KDM4B: variants seen among roughly 807,000 people sequenced by gnomAD.
The protein encoded by KDM4B is lysine demethylase 4B.
In KDM4B, 32 loss-of-function variants were observed where a neutral mutation model predicts 125.2. The ratio of observed to expected loss-of-function variants is 0.26; its 90% confidence interval spans 0.19 to 0.34. The LOEUF (loss-of-function observed/expected upper bound fraction) is 0.34. Among genes scored for constraint, KDM4B ranks in the 10% least tolerant of loss-of-function variants. The probability of loss-of-function intolerance (pLI) is 1.00; values close to 1 mark genes in which losing one functional copy is unlikely to be tolerated. For synonymous variants in KDM4B, 721 were observed against 677.9 expected, an observed-to-expected ratio of 1.06 and a Z score of -0.99; for missense variants, 1,190 against 1,577.7, an observed-to-expected ratio of 0.75 and a Z score of 4.16.
At chr19:5,090,483 TC>T in intron 9 of KDM4B, among the ~76,000 whole-genome samples, 1 of 54,278 alleles carries the variant, frequency 1.8e-5, no homozygotes, top group African/African-American at 8.2e-5. Context: ...TCCCCCCCTC[TC>T]TTTCTCTCCC....
chr19:5,025,508 G>C (rs1599442693), intron 2 of KDM4B, among the ~76,000 whole-genome samples: 1 of 152,364 alleles, frequency 6.6e-6, no homozygotes, highest in African/African-American at 2.4e-5. Flanking sequence ...CCCACAGCCA[G>C]AGAGAGCTTT....
At chr19:5,023,168 G>A (rs1207050881) in intron 2 of KDM4B, among the ~76,000 whole-genome samples, 1 of 152,208 alleles carries the variant, frequency 6.6e-6, no homozygotes, top group Non-Finnish European at 1.5e-5. Flanking sequence ...GGAAGAGGCT[G>A]TGCTGTGGCT....
intron 1 of KDM4B, among the ~76,000 whole-genome samples, chr19:4,979,301 C>G (rs2034559185): frequency 6.6e-6 from 1 of 152,126 alleles, no homozygotes; most frequent in Non-Finnish European, 1.5e-5. Flanking sequence ...CCCAAAAAAC[C>G]AAGCCCAGGG....
intron 1 of KDM4B, among the ~76,000 whole-genome samples, chr19:4,981,645 G>T (rs551180774): frequency 1.3e-5 from 2 of 152,278 alleles, no homozygotes; most frequent in East Asian, 3.9e-4. Context: ...GTGCAGGTGG[G>T]TTCTCCAGGG....
intron 1 of KDM4B, among the ~76,000 whole-genome samples, chr19:5,003,286 C>G (rs775929015): frequency 1.3e-5 from 2 of 151,792 alleles, no homozygotes; most frequent in Non-Finnish European, 2.9e-5. Context: ...GTCAGGAGTT[C>G]GAGACCAGCC....
At chr19:5,129,610 G>T (rs1345040823) in intron 11 of KDM4B, among the ~76,000 whole-genome samples, 1 of 152,212 alleles carries the variant, frequency 6.6e-6, no homozygotes, top group Non-Finnish European at 1.5e-5. Flanking sequence ...AATGTTAGCA[G>T]TGACCAGTTC....
intron 9 of KDM4B, among the ~76,000 whole-genome samples, chr19:5,104,449 C>T (rs868410885): frequency 6.6e-6 from 1 of 151,786 alleles, no homozygotes. Context: ...GTTTTTATGG[C>T]CACAATTGCA....
intron 21 of KDM4B, among the ~76,000 whole-genome samples, chr19:5,148,224 C>T (rs1320348188): frequency 2.0e-5 from 3 of 152,224 alleles, no homozygotes; most frequent in Admixed American, 6.5e-5. Context: ...AAAAAGCAAA[C>T]GCCGCCTTCA....
chr19:4,982,591 T>TTCTC (rs551213682), intron 1 of KDM4B, among the ~76,000 whole-genome samples: 47 of 147,530 alleles, frequency 3.2e-4, no homozygotes, highest in East Asian at 2.3e-3. Flanking sequence ...AAAAGTGATG[T>TTCTC]TCTCTCTCTC....
rs1158767407 is a variant in KDM4B, at chr19:4,997,429, C to T, written c.-108-18828C>T. Among the ~76,000 whole-genome samples, 4 of 152,086 alleles carry T rather than the reference C, an allele frequency of 2.6e-5. No individual in the cohort carries two copies. Among genetic ancestry groups the T allele is most frequent in the East Asian group, 1.9e-4 (1 of 5,190 alleles). On this transcript the variant is annotated intron_variant, in intron 1 of 22. Coordinates refer to ENST00000159111, the MANE Select transcript of KDM4B (RefSeq NM_015015.3). This position sits in a 1 kb window ranked among gnomAD's most constrained non-coding sequence, Gnocchi z 4.2. ...TTCATGAGGACCTGCCATCTGGGGG[C>T]GGCGAGGTGGGCTGGGCTTTGTGTT... is the stretch of plus-strand genomic sequence containing the variant.
intron 21 of KDM4B, among the ~76,000 whole-genome samples, chr19:5,147,676 G>A (rs2039874712): frequency 6.7e-6 from 1 of 149,954 alleles, no homozygotes; most frequent in Non-Finnish European, 1.5e-5. Flanking sequence ...CTGGGAGGTT[G>A]AGGATTCAGT....
At chr19:5,009,697 G>A (rs931562262) in intron 1 of KDM4B, among the ~76,000 whole-genome samples, 3 of 152,068 alleles carry the variant, frequency 2.0e-5, no homozygotes, top group African/African-American at 7.2e-5. Flanking sequence ...TCAGAAATTA[G>A]CCAATTCCAT....
Position 5,135,429 on chromosome 19 carries a change from C to A in KDM4B, c.2176C>A (p.Pro726Thr). 6.2e-7 allele frequency: 1 copy of A among 1,613,660 alleles called. No homozygotes were observed. Among genetic ancestry groups the A allele is most frequent in the South Asian group, 1.1e-5 (1 of 91,090 alleles). ...LPSKSRQKTR[P>T]LIPEMCFTSG... ...CTCCAAAAGCCGTCAGAAGACCCGA[C>A]CGCTCATCCCTGAGATGTGCTTCAC... Residue 726 changes from proline (P) to threonine (T), a missense_variant, in exon 15 of 23, where the codon CCG becomes ACG. Physicochemically the swap from Pro to Thr is conservative, Grantham distance 38. Transcript: ENST00000159111.
chr19:5,114,170 T>G lies in KDM4B; in HGVS notation c.1115+3352T>G. ...CTCTCTGGCACCCACGCGACGCTCC[T>G]CCATGCAAACTCTTTCCACGCGAGA... On this transcript the variant is annotated intron_variant, in intron 10 of 22. Coordinates refer to ENST00000159111, the MANE Select transcript of KDM4B (RefSeq NM_015015.3). The surrounding 1 kb of genome is among the most constrained non-coding windows in gnomAD (Gnocchi z 5.8). 1 of 1,289,700 alleles carries G rather than the reference T, an allele frequency of 7.8e-7. No homozygotes were observed. Among genetic ancestry groups the G allele is most frequent in the South Asian group, 1.2e-5 (1 of 81,030 alleles). The allele number at this position is 1,289,700 out of a possible 1,614,324, so 79.9% of individuals were successfully genotyped here.
At position 5,142,301 on chromosome 19, in the gene KDM4B, C is replaced by T. The variant is rs961679260; in HGVS notation, c.2551-1666C>T. ...GCACTGGATGTGGGTCTTCAAACTG[C>T]GGCTCCCAGGAAGGGAGGTGACGGC... On this transcript the variant is annotated intron_variant, in intron 18 of 22. Transcript: ENST00000159111. This position sits in a 1 kb window ranked among gnomAD's most constrained non-coding sequence, Gnocchi z 5.4. Among the ~76,000 whole-genome samples, 15 of 152,236 alleles carry T rather than the reference C, an allele frequency of 9.9e-5. No individual in the cohort carries two copies. The East Asian group carries it at 2.1e-3, about 22-fold the overall frequency.
chr19:4,979,195 A>G (rs2034555771), intron 1 of KDM4B, among the ~76,000 whole-genome samples: 1 of 152,030 alleles, frequency 6.6e-6, no homozygotes, highest in Non-Finnish European at 1.5e-5. Flanking sequence ...AGGCGGGAGG[A>G]TTGCTTGAGC....
rs377303695 is a variant in KDM4B, at chr19:5,149,310, G to A, written c.3022-1048G>A. 1.8e-4 allele frequency among the ~76,000 whole-genome samples: 27 copies of A among 152,324 alleles called. No homozygotes were observed. In the East Asian group the frequency reaches 4.0e-3, roughly 23 times the overall value. ...TGGTCTTAGTGTGTGACTTTTGTAC[G>A]CTTCTGTGACAGTCTTATGTGTGCA... On this transcript the variant is annotated intron_variant, in intron 21 of 22. Coordinates refer to ENST00000159111, the MANE Select transcript of KDM4B (RefSeq NM_015015.3).
rs1276128973 is a variant in KDM4B, at chr19:5,131,999, G to A, written c.1898G>A (p.Ser633Asn). Residue 633 changes from serine (S) to asparagine (N), a missense_variant, in exon 13 of 23, where the codon AGT becomes AAT. Transcript: ENST00000159111. ...PLSVVKQEAS[S>N]DEEASPFSGE... ...TCGGTGGTGAAGCAGGAGGCCTCAA[G>A]TGACGAGGGTGAGTGGGGGGTCCCC... The A allele has an allele frequency of 6.2e-7, 1 of 1,606,322 alleles. No individual in the cohort carries two copies. Among genetic ancestry groups the A allele is most frequent in the Non-Finnish European group, 8.5e-7 (1 of 1,176,988 alleles).
chr19:5,094,295 A>C (rs1418720582), intron 9 of KDM4B, among the ~76,000 whole-genome samples: 1 of 152,246 alleles, frequency 6.6e-6, no homozygotes, highest in East Asian at 1.9e-4. Flanking sequence ...CAGGATGCTG[A>C]GTAGCGCGGG....
Sources: gnomAD v4.1 joint callset for allele counts (sites outside exome capture counted in the v4.1 genomes callset) on GRCh38, gnomAD v4.1.1 for gene constraint, Gnocchi (gnomAD v3.1) non-coding constraint, MANE v1.5 for transcripts, NCBI Gene and HGNC (gene_info 2026-07-23, HGNC 2026-07-21) for gene names.